Variants in NCBP1 observed in about 807,000 individuals in gnomAD.
NCBP1 encodes nuclear cap-binding protein subunit 1.
NCBP1 carries 16 observed loss-of-function variants against 111.7 expected under a neutral mutation model. The ratio of observed to expected loss-of-function variants is 0.14; its 90% confidence interval spans 0.10 to 0.22. NCBP1 has a LOEUF of 0.22. Among genes scored for constraint, NCBP1 ranks in the 10% least tolerant of loss-of-function variants. The pLI is 1.00. For missense variants in NCBP1, 607 were observed against 957.5 expected (o/e 0.63, Z 4.83); for synonymous variants, 304 against 314.3 (o/e 0.97, Z 0.35).
intron 15 of NCBP1, among the ~76,000 whole-genome samples, chr9:97,659,050 G>A (rs1827753092): frequency 6.6e-6 from 1 of 152,174 alleles, no homozygotes; most frequent in Non-Finnish European, 1.5e-5. Context: ...GGTGATGGAG[G>A]TTACTTGAAT....
chr9:97,643,501 G>A (rs1384933689), intron 4 of NCBP1, 141 bp downstream of exon 4: 4 of 866,902 alleles, frequency 4.6e-6, no homozygotes, highest in Non-Finnish European at 6.7e-6. Context: ...TTATTTTGAC[G>A]ATACCCCCAA....
intron 22 of NCBP1, 145 bp from the exon 23 acceptor site, chr9:97,670,941 G>T: frequency 1.2e-5 from 6 of 484,416 alleles, no homozygotes; most frequent in South Asian, 4.1e-5. Context: ...GGGATTTTCA[G>T]GGGTCCATTG....
At chr9:97,655,373 C>T (rs1827620897) in intron 12 of NCBP1, among the ~76,000 whole-genome samples, 1 of 151,932 alleles carries the variant, frequency 6.6e-6, no homozygotes, top group Non-Finnish European at 1.5e-5. Flanking sequence ...AGCCACTGCA[C>T]CTGGCCTACA....
intron 14 of NCBP1, among the ~76,000 whole-genome samples, chr9:97,656,755 A>G (rs1827668229): frequency 6.6e-6 from 1 of 152,132 alleles, no homozygotes; most frequent in Non-Finnish European, 1.5e-5. Context: ...AATAAGCTGC[A>G]TACCCAGCTG....
intron 19 of NCBP1, among the ~76,000 whole-genome samples, chr9:97,665,090 T>C (rs1483741613): frequency 6.6e-6 from 1 of 152,210 alleles, no homozygotes. Context: ...TAAAGCAAAT[T>C]ACTTGTAAAA....
chr9:97,662,292 A>G, intron 17 of NCBP1, 148 bp downstream of exon 17: 1 of 603,618 alleles, frequency 1.7e-6, no homozygotes, highest in Non-Finnish European at 2.9e-6. Flanking sequence ...GTGGTAGCTG[A>G]AATCCATATC....
At position 97,654,910 on chromosome 9, in the gene NCBP1, C is replaced by T. The variant is rs763729923; in HGVS notation, c.1201C>T (p.Arg401Cys). ...ACAGGCAACTGAAATGCTATACATG[C>T]GTTTGGACACAATGAACACTACCTG... ...LAQATEMLYM[R>C]LDTMNTTCVD... Residue 401 changes from arginine to cysteine, a missense_variant, in exon 12 of 23, where the codon CGT (arginine) becomes TGT (cysteine). Transcript: ENST00000375147. The T allele has an allele frequency of 6.2e-7, 1 of 1,611,974 alleles. No individual in the cohort carries two copies. Among genetic ancestry groups the T allele is most frequent in the Non-Finnish European group, 8.5e-7 (1 of 1,179,278 alleles).
intron 21 of NCBP1, among the ~76,000 whole-genome samples, chr9:97,669,323 C>G (rs533851232): frequency 1.3e-5 from 2 of 152,136 alleles, no homozygotes; most frequent in South Asian, 4.1e-4. Flanking sequence ...TTTCTGATTA[C>G]TTCGTTAGAA....
At chr9:97,656,656 A>G (rs1827664703) in intron 14 of NCBP1, among the ~76,000 whole-genome samples, 1 of 152,218 alleles carries the variant, frequency 6.6e-6, no homozygotes, top group Non-Finnish European at 1.5e-5. Flanking sequence ...CCTAGATTCC[A>G]TAGCTATTAA....
chr9:97,653,674 A>C (rs1020441762), intron 10 of NCBP1, 124 bp from the exon 11 acceptor site: 3 of 647,560 alleles, frequency 4.6e-6, no homozygotes, highest in Non-Finnish European at 7.7e-6. Flanking sequence ...TAAATATTAA[A>C]AAGTAATTCC....
At chr9:97,649,229 G>A (rs1827431774) in intron 8 of NCBP1, among the ~76,000 whole-genome samples, 2 of 152,032 alleles carry the variant, frequency 1.3e-5, no homozygotes. Context: ...GGCAGCCATT[G>A]TACTGTTATA....
At chr9:97,644,938 A>G (rs542229586) in intron 4 of NCBP1, among the ~76,000 whole-genome samples, 179 bp from the exon 5 acceptor site, 1 of 152,202 alleles carries the variant, frequency 6.6e-6, no homozygotes, top group African/African-American at 2.4e-5. Flanking sequence ...TTTTTCACGC[A>G]TTTAAAAATG....
At chr9:97,651,419 T>C (rs1029540579) in intron 10 of NCBP1, 46 bp downstream of exon 10, 14 of 1,544,542 alleles carry the variant, frequency 9.1e-6, no homozygotes, top group Non-Finnish European at 1.2e-5. Context: ...AGAATCTTTC[T>C]GTTGGCTTTA....
intron 11 of NCBP1, among the ~76,000 whole-genome samples, chr9:97,654,173 C>A (rs759825869): frequency 1.3e-5 from 2 of 152,098 alleles, no homozygotes; most frequent in African/African-American, 2.4e-5. Flanking sequence ...TTTCCTCTCA[C>A]AATAGATTTC....
intron 22 of NCBP1, 173 bp downstream of exon 22, chr9:97,669,879 T>C: frequency 1.5e-6 from 1 of 685,626 alleles, no homozygotes; most frequent in African/African-American, 1.8e-5. Flanking sequence ...TTAAACTGAT[T>C]CTGTACCACT....
Position 97,662,062 on chromosome 9 carries a change from C to G in NCBP1, c.1621C>G (p.Pro541Ala), listed in dbSNP as rs749934747. 1.2e-6 allele frequency: 2 copies of G among 1,613,090 alleles called. No individual in the cohort carries two copies. Among genetic ancestry groups the G allele is most frequent in the Non-Finnish European group, 1.7e-6 (2 of 1,179,228 alleles). Reference sequence around the variant, plus strand: ...TTCAGATGAAGGATTCAGTTTTAACCCATTGAAAATAGAAGTCTTTGTACA... The same window carrying G: ...TTCAGATGAAGGATTCAGTTTTAACGCATTGAAAATAGAAGTCTTTGTACA... The part of the protein sequence containing the change: ...DDDDEGFSFN[P>A]LKIEVFVQTL... Residue 541 changes from proline to alanine, a missense_variant, in exon 17 of 23, where the codon CCA (proline) becomes GCA (alanine). By Grantham distance (27) the Pro-to-Ala change is conservative. This residue lies in a region of NCBP1 where 282 missense variants were observed against 376.5 expected (regional missense o/e 0.75). Coordinates refer to ENST00000375147, the MANE Select transcript of NCBP1 (RefSeq NM_002486.5).
chr9:97,671,276 C>A lies in NCBP1; in HGVS notation c.*77C>A. ...GTCTTATTTTTTGATGGTTTGAATG[C>A]TTGCTTTCTTGTAGTATCCTTTCAC... is the stretch of plus-strand genomic sequence containing the variant. On this transcript the variant is annotated 3_prime_UTR_variant, in exon 23 of 23. Transcript: ENST00000375147. 1 of 1,046,972 alleles carries A rather than the reference C, an allele frequency of 9.6e-7. No individual in the cohort carries two copies. Among genetic ancestry groups the A allele is most frequent in the Non-Finnish European group, 1.4e-6 (1 of 700,452 alleles). The allele number at this position is 1,046,972 out of a possible 1,614,324, so 64.9% of individuals were successfully genotyped here. A position where few individuals can be genotyped will look rare whatever the true frequency, so the allele number is the denominator to read the frequency against.
intron 1 of NCBP1, 106 bp from the exon 2 acceptor site, chr9:97,640,688 A>C: frequency 1.2e-6 from 1 of 862,164 alleles, no homozygotes; most frequent in East Asian, 2.6e-5. Context: ...CTACTCTGTA[A>C]AAACATAGGG....
chr9:97,651,409 A>C, intron 10 of NCBP1, 36 bp downstream of exon 10: 1 of 1,579,352 alleles, frequency 6.3e-7, no homozygotes, highest in Admixed American at 1.7e-5. Context: ...TCTGAGTTTC[A>C]GAATCTTTCT....
Sources: gnomAD v4.1 joint callset for allele counts (sites outside exome capture counted in the v4.1 genomes callset) on GRCh38, gnomAD v4.1.1 for gene constraint, gnomAD v4.1.1 regional missense constraint, MANE v1.5 for transcripts, NCBI Gene and HGNC (gene_info 2026-07-23, HGNC 2026-07-21) for gene names.